Variants in SLC27A1 observed in about 807,000 individuals in gnomAD.
SLC27A1 encodes the protein solute carrier family 27 member 1.
Under a neutral mutation model 62.2 loss-of-function variants are expected in SLC27A1, and 61 were observed. The observed-to-expected ratio is 0.98, with a 90% CI of 0.80 to 1.21. The LOEUF (loss-of-function observed/expected upper bound fraction) is 1.21. SLC27A1 is among the 50% of genes most tolerant of loss of function. SLC27A1 has a pLI of 0.00. For missense variants in SLC27A1, 903 were observed against 932.1 expected (o/e 0.97, Z 0.41); for synonymous variants, 435 against 408.6 (o/e 1.06, Z -0.78).
chr19:17,492,621 A>AG (rs1384109058), intron 6 of SLC27A1, among the ~76,000 whole-genome samples: 3 of 149,518 alleles, frequency 2.0e-5, no homozygotes. Context: ...CATCTCAAAA[A>AG]AAAAAAAAAA....
At chr19:17,494,372 G>C (rs899701543) in intron 6 of SLC27A1, among the ~76,000 whole-genome samples, 1 of 149,686 alleles carries the variant, frequency 6.7e-6, no homozygotes, top group African/African-American at 2.5e-5. Context: ...CTGTTGCCCA[G>C]GCCAGAGTGC....
rs780108139 is a variant in SLC27A1, at chr19:17,505,231, C to T, written c.*619C>T. On this transcript the variant is annotated 3_prime_UTR_variant, in exon 12 of 12. Coordinates refer to ENST00000252595, the MANE Select transcript of SLC27A1 (RefSeq NM_198580.3). The stretch of plus-strand genomic sequence containing the variant: ...CTCCTCTCCTGCCGAGAGTGGAACA[C>T]GCGTGTCCTGGGAGCTGCATCTTGT... 2.5e-5 allele frequency: 7 copies of T among 279,244 alleles called. No individual in the cohort carries two copies. The highest frequency in any genetic ancestry group is 5.0e-5 in the Admixed American group (1 of 20,086). The allele number at this position is 279,244 out of a possible 1,614,324, so 17.3% of individuals were successfully genotyped here.
chr19:17,482,962 CAATGAATGATGGAGGG>C (rs998795584), intron 1 of SLC27A1, among the ~76,000 whole-genome samples: 3 of 147,486 alleles, frequency 2.0e-5, no homozygotes. Context: ...CTCACAATGC[CAATGAATGATGGAGGG>C]AATGAATGAA....
rs1408195897 is a variant in SLC27A1 at position 17,486,554 on chromosome 19, C to T, written c.168-9C>T. On this transcript the variant is annotated splice_polypyrimidine_tract_variant and intron_variant, in intron 1 of 11. Coordinates refer to ENST00000252595, the MANE Select transcript of SLC27A1 (RefSeq NM_198580.3). This position sits in a 1 kb window ranked among gnomAD's most constrained non-coding sequence, Gnocchi z 6.6. ...CCAGTGACGCTGTCCCCTCCGTCCT[C>T]CCTCCCAGCGGTCTCTCTGTGCTGA... 1.9e-6 allele frequency: 3 copies of T among 1,568,558 alleles called. No individual in the cohort carries two copies. The highest frequency in any genetic ancestry group is 1.8e-5 in the Admixed American group (1 of 56,952).
Position 17,470,553 on chromosome 19 carries a change from G to T in SLC27A1, c.13G>T (p.Gly5Cys), listed in dbSNP as rs1402684316. 20 of 1,561,012 alleles carry T rather than the reference G, an allele frequency of 1.3e-5. No homozygotes were observed. Among genetic ancestry groups the T allele is most frequent in the Non-Finnish European group, 1.6e-5 (19 of 1,162,712 alleles). Residue 5 changes from glycine (G) to cysteine (C), a missense_variant, in exon 1 of 12, where the codon GGT becomes TGT. Physicochemically the swap from Gly to Cys is radical, Grantham distance 159. Transcript: ENST00000252595. MRAP[G>C]AGAASVVSLA... ...CTGCTTCCCCAGGATGCGGGCTCCG[G>T]GTGCGGGCGCGGCCTCGGTGGTCTC... is the stretch of plus-strand genomic sequence containing the variant.
At chr19:17,487,575 C>T (rs764228735) in intron 4 of SLC27A1, 46 bp downstream of exon 4, 22 of 1,584,102 alleles carry the variant, frequency 1.4e-5, no homozygotes, top group South Asian at 2.3e-5. Flanking sequence ...GAGAGTGACC[C>T]AGGCTATCTT....
upstream of SLC27A1, chr19:17,470,494 G>GC: frequency 6.8e-7 from 1 of 1,474,674 alleles, no homozygotes; most frequent in East Asian, 2.8e-5. Context: ...GGGTCGTGGG[G>GC]CGGGGCTGGA....
chr19:17,481,976 C>T (rs1002303951), intron 1 of SLC27A1, among the ~76,000 whole-genome samples: 1 of 152,164 alleles, frequency 6.6e-6, no homozygotes, highest in Non-Finnish European at 1.5e-5. Context: ...GCTGGGGCCA[C>T]GGGTGGCTGC....
chr19:17,489,005 C>A lies in SLC27A1; in HGVS notation c.887-3C>A. 6.2e-7 allele frequency: 1 copy of A among 1,614,062 alleles called. No homozygotes were observed. Among genetic ancestry groups the A allele is most frequent in the Non-Finnish European group, 8.5e-7 (1 of 1,179,980 alleles). ...GACCCCTTACCAAGGCCACCCTCTG[C>A]AGGAAACATCATCGGCGTGGGGCAG... On this transcript the variant is annotated splice_region_variant and splice_polypyrimidine_tract_variant and intron_variant, in intron 5 of 11. Transcript: ENST00000252595.
At chr19:17,474,585 G>T (rs1638579247) in intron 1 of SLC27A1, among the ~76,000 whole-genome samples, 1 of 151,292 alleles carries the variant, frequency 6.6e-6, no homozygotes, top group Non-Finnish European at 1.5e-5. Context: ...CACTTGTATG[G>T]TCCCCTCCCT....
Position 17,488,947 on chromosome 19 carries a change from G to A in SLC27A1, c.886+8G>A, listed in dbSNP as rs190281183. The A allele has an allele frequency of 1.2e-6, 2 of 1,614,108 alleles. No individual in the cohort carries two copies. Among genetic ancestry groups the A allele is most frequent in the Admixed American group, 1.7e-5 (1 of 60,010 alleles). ...CCCTGTACCACTCGGCAGGTACTACGGCCTGGGTAGGGAATGGTGGGTGGG... is the reference window on the plus strand; with the variant it reads ...CCCTGTACCACTCGGCAGGTACTACAGCCTGGGTAGGGAATGGTGGGTGGG... On this transcript the variant is annotated splice_region_variant and intron_variant, in intron 5 of 11. Transcript: ENST00000252595.
chr19:17,490,356 G>C (rs2075282361), intron 6 of SLC27A1, among the ~76,000 whole-genome samples: 1 of 151,958 alleles, frequency 6.6e-6, no homozygotes, highest in Non-Finnish European at 1.5e-5. Flanking sequence ...GTTTCGCCAT[G>C]TTGCCCAGGC....
intron 4 of SLC27A1, among the ~76,000 whole-genome samples, chr19:17,487,809 G>A (rs1345603215): frequency 6.6e-6 from 1 of 151,948 alleles, no homozygotes; most frequent in Non-Finnish European, 1.5e-5. Flanking sequence ...CCACTACTCT[G>A]GGGCCCCTCT....
In SLC27A1 at chr19:17,470,589, T is replaced by C. The variant is rs762453087; in HGVS notation, c.49T>C (p.Leu17=). Residue 17 remains leucine, a synonymous_variant, in exon 1 of 12, where the codon TTG becomes CTG. Transcript: ENST00000252595. The stretch of plus-strand genomic sequence containing the variant: ...GGCCTCGGTGGTCTCGCTGGCGCTG[T>C]TGTGGCTGCTGGGGCTGCCGTGGAC... The part of the protein sequence containing the change: ...GAASVVSLAL[L]WLLGLPWTWS... 3 of 1,571,856 alleles carry C rather than the reference T, an allele frequency of 1.9e-6. No homozygotes were observed. Among genetic ancestry groups the C allele is most frequent in the Non-Finnish European group, 2.6e-6 (3 of 1,167,276 alleles).
chr19:17,494,391 G>A (rs1258946716), intron 6 of SLC27A1, among the ~76,000 whole-genome samples: 8 of 147,406 alleles, frequency 5.4e-5, no homozygotes, highest in African/African-American at 1.5e-4. Flanking sequence ...GCAGTGGTGC[G>A]ATCTCAGTTC....
intron 1 of SLC27A1, among the ~76,000 whole-genome samples, chr19:17,483,298 C>T (rs1048684695): frequency 6.6e-6 from 1 of 152,110 alleles, no homozygotes; most frequent in Non-Finnish European, 1.5e-5. Context: ...TGACCAAGTG[C>T]GGCCCCATTT....
Position 17,500,576 on chromosome 19 carries a change from C to T in SLC27A1, c.1415C>T (p.Thr472Ile). 1 of 1,613,736 alleles carries T rather than the reference C, an allele frequency of 6.2e-7. No homozygotes were observed. Residue 472 changes from threonine (T) to isoleucine (I), a missense_variant, in exon 9 of 12, where the codon ACC (threonine) becomes ATC (isoleucine). Physicochemically the swap from Thr to Ile is moderately conservative, Grantham distance 89. Coordinates refer to ENST00000252595, the MANE Select transcript of SLC27A1 (RefSeq NM_198580.3). ...RFDGYVSESA[T>I]SKKIAHSVFS... The stretch of plus-strand genomic sequence containing the variant: ...GATGGCTATGTCAGCGAGAGCGCCA[C>T]CAGCAAGAAGATCGCCCACAGCGTC...
chr19:17,480,217 G>A (rs377456626), intron 1 of SLC27A1, among the ~76,000 whole-genome samples: 2 of 151,214 alleles, frequency 1.3e-5, no homozygotes, highest in African/African-American at 4.9e-5. Flanking sequence ...TAGTAGAGAC[G>A]GGGTTTCACC....
rs565994088 is a variant in SLC27A1, at chr19:17,504,594, G to A, written c.1923G>A (p.Ser641=). The part of the protein sequence containing the change: ...LNEAVYTRIC[S]GAFAL ...AGGCAGTCTACACTCGCATCTGCTC[G>A]GGCGCCTTCGCCCTCTGAAGCTGTT... The change falls in exon 12 of 12, where the codon TCG becomes TCA. Residue 641 remains serine (S), a synonymous_variant. Transcript: ENST00000252595. 5.0e-6 allele frequency: 8 copies of A among 1,614,140 alleles called. No individual in the cohort carries two copies. The highest frequency in any genetic ancestry group is 2.2e-5 in the South Asian group (2 of 91,084).
Sources: allele counts gnomAD v4.1 joint callset (sites outside exome capture counted in the v4.1 genomes callset), GRCh38; gene constraint gnomAD v4.1.1; non-coding constraint Gnocchi (gnomAD v3.1); transcripts MANE v1.5; gene names NCBI Gene and HGNC (gene_info 2026-07-23, HGNC 2026-07-21).